Variants in CCND3 observed in about 807,000 individuals in gnomAD.
CCND3 encodes cyclin D3, also known as G1/S-specific cyclin-D3.
CCND3 carries 9 observed loss-of-function variants against 28.7 expected under a neutral mutation model. The observed-to-expected ratio is 0.31, with a 90% confidence interval of 0.19 to 0.55. The LOEUF is 0.55. Ranked by LOEUF, CCND3 falls within the 20% of genes least tolerant of loss-of-function variation. The pLI, the probability that CCND3 is intolerant of heterozygous loss-of-function variation, is 0.93. For synonymous variants in CCND3, 164 were observed against 163.9 expected (o/e 1.00, Z 0.00); for missense variants, 315 against 385.8 (o/e 0.82, Z 1.54).
chr6:41,982,402 G>A (rs1275179466), intron 1 of CCND3, among the ~76,000 whole-genome samples: 1 of 152,032 alleles, frequency 6.6e-6, no homozygotes, highest in African/African-American at 2.4e-5. Context: ...AACAAAATAT[G>A]TACAAGGTCT....
Position 41,936,994 on chromosome 6 carries a change from G to A in CCND3, c.574+241C>T, listed in dbSNP as rs750770544. ...GGGTTCTGTTCCCAACCTGTTCACT[G>A]TGAGACCTTGGGCAAGTCACTTCTC... On this transcript the variant is annotated intron_variant, in intron 3 of 4. Coordinates refer to ENST00000372991, the MANE Select transcript of CCND3 (RefSeq NM_001760.5). The surrounding 1 kb of genome is among the most constrained non-coding windows in gnomAD (Gnocchi z 4.4). 1.7e-6 allele frequency: 1 copy of A among 602,626 alleles called. No individual in the cohort carries two copies. The highest frequency in any genetic ancestry group is 2.8e-5 in the East Asian group (1 of 35,594). The allele number at this position is 602,626 out of a possible 1,614,324, so 37.3% of individuals were successfully genotyped here. A position where few individuals can be genotyped will look rare whatever the true frequency, so the allele number is the denominator to read the frequency against.
chr6:42,033,164 T>C (rs538543940), intron 1 of CCND3, among the ~76,000 whole-genome samples: 19 of 152,174 alleles, frequency 1.2e-4, no homozygotes, highest in African/African-American at 4.6e-4. Flanking sequence ...TGTTTTATAA[T>C]ATATTGGCCG....
At chr6:41,961,385 G>A (rs1001206515) in intron 1 of CCND3, among the ~76,000 whole-genome samples, 12 of 152,056 alleles carry the variant, frequency 7.9e-5, no homozygotes, top group African/African-American at 2.7e-4. Context: ...TGGCCATCAT[G>A]GTGAAACCTT....
intron 1 of CCND3, among the ~76,000 whole-genome samples, chr6:41,951,654 A>G (rs946912915): frequency 6.6e-6 from 1 of 151,872 alleles, no homozygotes; most frequent in African/African-American, 2.4e-5. Flanking sequence ...GTGGGGGGTC[A>G]GGAGTAGTAT....
At chr6:42,029,351 T>C (rs1763979542) in intron 1 of CCND3, among the ~76,000 whole-genome samples, 1 of 152,088 alleles carries the variant, frequency 6.6e-6, no homozygotes, top group African/African-American at 2.4e-5. Flanking sequence ...GTCCTGGCTA[T>C]TATTAACATA....
chr6:42,004,710 A>G (rs1255149431), intron 1 of CCND3, among the ~76,000 whole-genome samples: 2 of 152,202 alleles, frequency 1.3e-5, no homozygotes, highest in Non-Finnish European at 2.9e-5. Flanking sequence ...TTCTTGGGCA[A>G]CAGAGTGAGA....
chr6:42,049,160 C>A (rs1012270406), upstream of CCND3, among the ~76,000 whole-genome samples: 7 of 152,188 alleles, frequency 4.6e-5, no homozygotes, highest in African/African-American at 1.7e-4. Context: ...CTCAGCCTCC[C>A]GAGTAGCTAG....
At chr6:41,994,001 G>A (rs1762728737) in intron 1 of CCND3, among the ~76,000 whole-genome samples, 1 of 147,406 alleles carries the variant, frequency 6.8e-6, no homozygotes, top group Non-Finnish European at 1.5e-5. Context: ...GAAAACTTAA[G>A]TGGATATTAC....
At chr6:41,972,240 A>AAAAAAAAAAG (rs1554162050) in intron 1 of CCND3, among the ~76,000 whole-genome samples, 2 of 99,734 alleles carry the variant, frequency 2.0e-5, no homozygotes, top group Admixed American at 1.2e-4. Flanking sequence ...AAAAAAAAAA[A>AAAAAAAAAAG]AAAAGAAAAG....
intron 1 of CCND3, among the ~76,000 whole-genome samples, chr6:41,991,683 G>A (rs1762653620): frequency 6.6e-6 from 1 of 152,076 alleles, no homozygotes; most frequent in East Asian, 1.9e-4. Context: ...ATAGAACACT[G>A]GAACTTATTC....
chr6:42,012,709 T>C (rs1203050915), intron 1 of CCND3, among the ~76,000 whole-genome samples: 2 of 152,206 alleles, frequency 1.3e-5, no homozygotes, highest in Non-Finnish European at 2.9e-5. Context: ...GCTATTAAAA[T>C]GTGGGTAGTG....
chr6:41,977,436 G>A (rs7768838), intron 1 of CCND3, among the ~76,000 whole-genome samples: 84,982 of 151,928 alleles, frequency 0.56, 23,972 homozygotes, highest in Admixed American at 0.64. Context: ...GTGCTATCTC[G>A]TCTCACTACA....
At chr6:42,017,117 C>T (rs1247610363) in intron 1 of CCND3, among the ~76,000 whole-genome samples, 3 of 152,174 alleles carry the variant, frequency 2.0e-5, no homozygotes, top group African/African-American at 7.2e-5. Flanking sequence ...GTTTCTGTCC[C>T]TTGCCCTGGC....
At position 41,939,536 on chromosome 6, in the gene CCND3, T is replaced by TGAAGAGGC. The variant is rs1398605453; in HGVS notation, c.414+833_414+834insGCCTCTTC. On this transcript the variant is annotated intron_variant, in intron 2 of 4. Transcript: ENST00000372991. This position sits in a 1 kb window ranked among gnomAD's most constrained non-coding sequence, Gnocchi z 4.2. ...GCCCGGCCTGAGCCCAGCCCAAGTT[T>TGAAGAGGC]CCAGCAAGAGGCCCAGGGAGCCACT... 6.6e-5 allele frequency among the ~76,000 whole-genome samples: 10 copies of TGAAGAGGC among 152,246 alleles called. No individual in the cohort carries two copies. The highest frequency in any genetic ancestry group is 1.3e-4 in the Admixed American group (2 of 15,298).
At chr6:41,947,121 T>G (rs1776191347) in intron 1 of CCND3, among the ~76,000 whole-genome samples, 1 of 151,588 alleles carries the variant, frequency 6.6e-6, no homozygotes, top group Non-Finnish European at 1.5e-5. Flanking sequence ...CTCAGGAGGC[T>G]GAGGAAGGAG....
chr6:41,993,921 G>C (rs1464811656), intron 1 of CCND3, among the ~76,000 whole-genome samples: 4 of 134,778 alleles, frequency 3.0e-5, no homozygotes, highest in African/African-American at 1.2e-4. Flanking sequence ...ACAGACTCTT[G>C]TCTTAAAAAA....
intron 1 of CCND3, among the ~76,000 whole-genome samples, chr6:42,024,231 G>A (rs763097026): frequency 5.3e-5 from 8 of 151,754 alleles, no homozygotes; most frequent in Non-Finnish European, 8.8e-5. Context: ...GTGAAATCCC[G>A]TCCCTACTAA....
intron 1 of CCND3, among the ~76,000 whole-genome samples, chr6:41,953,865 A>G (rs965154801): frequency 6.6e-6 from 1 of 151,968 alleles, no homozygotes; most frequent in Admixed American, 6.6e-5. Context: ...GCTTTGTGTG[A>G]GAATGGAGGA....
intron 1 of CCND3, among the ~76,000 whole-genome samples, chr6:41,973,915 G>T (rs890229848): frequency 2.0e-5 from 3 of 152,206 alleles, no homozygotes; most frequent in Non-Finnish European, 2.9e-5. Flanking sequence ...GGGCGCAGTG[G>T]CTCACGCCTG....
Sources: gnomAD v4.1 joint callset for allele counts (sites outside exome capture counted in the v4.1 genomes callset) on GRCh38, gnomAD v4.1.1 for gene constraint, Gnocchi (gnomAD v3.1) non-coding constraint, MANE v1.5 for transcripts, NCBI Gene and HGNC (gene_info 2026-07-23, HGNC 2026-07-21) for gene names.